CHUK: variants seen among roughly 807,000 people sequenced by gnomAD.
CHUK encodes inhibitor of nuclear factor kappa-B kinase subunit alpha.
In CHUK, 35 loss-of-function variants were observed where a neutral mutation model predicts 104.8. The ratio of observed to expected loss-of-function variants is 0.33; its 90% CI spans 0.26 to 0.44. The LOEUF (loss-of-function observed/expected upper bound fraction) is 0.44. Among genes scored for constraint, CHUK ranks in the 20% least tolerant of loss-of-function variants. The probability of loss-of-function intolerance (pLI) is 1.00; values close to 1 mark genes in which losing one functional copy is unlikely to be tolerated. For missense variants in CHUK, 663 were observed against 902.7 expected, an observed-to-expected ratio of 0.73 and a Z score of 3.40; for synonymous variants, 276 against 291.9, an observed-to-expected ratio of 0.95 and a Z score of 0.56.
intron 16 of CHUK, chr10:100,194,764 C>G (rs1449025999): frequency 2.5e-5 from 8 of 314,416 alleles, no homozygotes; most frequent in Non-Finnish European, 4.2e-5. Flanking sequence ...AGTAAGAGAC[C>G]TTAGTTGCCT....
chr10:100,190,712 A>G (rs1164875725), intron 20 of CHUK, 157 bp downstream of exon 20: 2 of 689,152 alleles, frequency 2.9e-6, no homozygotes, highest in African/African-American at 3.5e-5. Flanking sequence ...ACGGCAGATA[A>G]GGATTTAAGG....
intron 1 of CHUK, 23 bp from the exon 2 acceptor site, chr10:100,226,040 G>GAAAAAAAAAAA: frequency 7.6e-7 from 1 of 1,307,970 alleles, no homozygotes; most frequent in Non-Finnish European, 1.1e-6. Context: ...AAAATCAACA[G>GAAAAAAAAAAA]AAAAAAAAAA....
intron 1 of CHUK, among the ~76,000 whole-genome samples, chr10:100,228,987 G>GCACA (rs1471411627): frequency 1.2e-5 from 1 of 84,696 alleles, no homozygotes; most frequent in Non-Finnish European, 2.8e-5. Flanking sequence ...GCGCGCGCGC[G>GCACA]CGCGCGCACA....
At position 100,189,287 on chromosome 10, in the gene CHUK, A is replaced by C. The variant is rs1369338337; in HGVS notation, c.*311T>G. The C allele has an allele frequency of 3.1e-6, 1 of 321,996 alleles. No homozygotes were observed. The highest frequency in any genetic ancestry group is 5.8e-6 in the Non-Finnish European group (1 of 173,050). 19.9% of individuals were successfully genotyped at this position (321,996 alleles called of 1,614,324 possible). A position where few individuals can be genotyped will look rare whatever the true frequency, so the allele number is the denominator to read the frequency against. ...GAAGGTATTTTTAATCAGTTAAATA[A>C]GTAATGTTTTACCAAGACTGAAGGC... On this transcript the variant is annotated 3_prime_UTR_variant, in exon 21 of 21. Coordinates refer to ENST00000370397, the MANE Select transcript of CHUK (RefSeq NM_001278.5).
chr10:100,214,636 G>A (rs1845810813), intron 9 of CHUK, among the ~76,000 whole-genome samples: 1 of 152,136 alleles, frequency 6.6e-6, no homozygotes, highest in Admixed American at 6.5e-5. Flanking sequence ...TACCTAAAAT[G>A]ATGGCCTCTC....
At chr10:100,210,616 T>G (rs1338732944) in intron 9 of CHUK, among the ~76,000 whole-genome samples, 1 of 152,228 alleles carries the variant, frequency 6.6e-6, no homozygotes, top group Non-Finnish European at 1.5e-5. Context: ...ATCTTAACTC[T>G]TTTTGTGTCT....
At chr10:100,201,646 G>A (rs1413851579) in intron 14 of CHUK, among the ~76,000 whole-genome samples, 6 of 152,166 alleles carry the variant, frequency 3.9e-5, no homozygotes, top group Admixed American at 2.6e-4. Context: ...CTTAAGCCCA[G>A]GAGTTTGATA....
chr10:100,204,695 A>G (rs767505948), intron 12 of CHUK, 38 bp from the exon 13 acceptor site: 1 of 1,512,564 alleles, frequency 6.6e-7, no homozygotes, highest in Non-Finnish European at 9.1e-7. Flanking sequence ...AAGAAAAAAG[A>G]TATTATCAGC....
At chr10:100,212,802 C>T (rs1163117625) in intron 9 of CHUK, among the ~76,000 whole-genome samples, 1 of 151,288 alleles carries the variant, frequency 6.6e-6, no homozygotes, top group East Asian at 2.0e-4. Flanking sequence ...GTCAGGAGTT[C>T]AAGACCAGCC....
intron 10 of CHUK, 82 bp downstream of exon 10, chr10:100,209,513 T>C (rs1259388230): frequency 2.3e-6 from 2 of 852,632 alleles, no homozygotes; most frequent in Non-Finnish European, 4.0e-6. Context: ...CCCAAGGAAT[T>C]CCAAGTATGC....
intron 11 of CHUK, among the ~76,000 whole-genome samples, 161 bp downstream of exon 11, chr10:100,207,069 A>G (rs1214343103): frequency 6.6e-6 from 1 of 152,212 alleles, no homozygotes; most frequent in Non-Finnish European, 1.5e-5. Context: ...CTTCCAAACT[A>G]TATAAATCCA....
chr10:100,195,305 A>G (rs1845298909), intron 16 of CHUK: 2 of 152,246 alleles, frequency 1.3e-5, no homozygotes, highest in African/African-American at 4.8e-5. Context: ...CTCTCTGCTT[A>G]TAATTTTCCC....
intron 8 of CHUK, 137 bp downstream of exon 8, chr10:100,218,581 A>C (rs1236789280): frequency 1.4e-6 from 1 of 707,592 alleles, no homozygotes; most frequent in Non-Finnish European, 2.5e-6. Flanking sequence ...TCATGTGGCC[A>C]ACAGAAATAT....
In CHUK at chr10:100,189,504, G is replaced by T; in HGVS notation, c.*94C>A. Reference sequence around the variant, plus strand: ...TTCATAGCCATTTCTTCCATTGACTGATGTCTGAAGAATGGTTTCATGGGG... The same window carrying T: ...TTCATAGCCATTTCTTCCATTGACTTATGTCTGAAGAATGGTTTCATGGGG... On this transcript the variant is annotated 3_prime_UTR_variant, in exon 21 of 21. Transcript: ENST00000370397. 1 of 933,576 alleles carries T rather than the reference G, an allele frequency of 1.1e-6. No individual in the cohort carries two copies. The allele number at this position is 933,576 out of a possible 1,614,324, so 57.8% of individuals were successfully genotyped here.
chr10:100,194,181 A>T, intron 17 of CHUK, 50 bp from the exon 18 acceptor site: 1 of 1,600,250 alleles, frequency 6.2e-7, no homozygotes, highest in Non-Finnish European at 8.5e-7. Flanking sequence ...CCAAGACTGT[A>T]CACCATATTC....
chr10:100,188,443 A>G lies in CHUK; in HGVS notation c.*1155T>C, dbSNP rs1283281824. 3 of 152,666 alleles carry G rather than the reference A, an allele frequency of 2.0e-5. No individual in the cohort carries two copies. The highest frequency in any genetic ancestry group is 4.4e-5 in the Non-Finnish European group (3 of 68,038). 9.5% of individuals were successfully genotyped at this position (152,666 alleles called of 1,614,324 possible). A position where few individuals can be genotyped will look rare whatever the true frequency, so the allele number is the denominator to read the frequency against. ...GCATTTCACATTTTTTAAGACAAAT[A>G]ATATCTTCTAAATTACTTAGCAGAT... On this transcript the variant is annotated 3_prime_UTR_variant, in exon 21 of 21. Transcript: ENST00000370397.
rs376182746 is a variant in CHUK at position 100,221,377 on chromosome 10, G to A, written c.386-701C>T. Among the ~76,000 whole-genome samples, 951 of 152,154 alleles carry A rather than the reference G, an allele frequency of 6.3e-3. 13 individuals are homozygous for A. The highest frequency in any genetic ancestry group is 0.022 in the African/African-American group (904 of 41,508). ...TTGAACCTGGGAGGCAGAGGTTACA[G>A]TAAGCTGAGATCGCACCACTGCACT... On this transcript the variant is annotated intron_variant, in intron 4 of 20. Coordinates refer to ENST00000370397, the MANE Select transcript of CHUK (RefSeq NM_001278.5).
At chr10:100,192,507 G>T in intron 19 of CHUK, 1 of 623,052 alleles carries the variant, frequency 1.6e-6, no homozygotes, top group Non-Finnish European at 2.0e-6. Flanking sequence ...CATAAAAGTA[G>T]AGTACAGAAT....
Position 100,199,855 on chromosome 10 carries a change from A to G in CHUK, c.1729+116T>C, listed in dbSNP as rs1191865712. 3 of 796,982 alleles carry G rather than the reference A, an allele frequency of 3.8e-6. No homozygotes were observed. The East Asian group carries it at 7.3e-5, about 19-fold the overall frequency. The allele number at this position is 796,982 out of a possible 1,614,324, so 49.4% of individuals were successfully genotyped here. A position where few individuals can be genotyped will look rare whatever the true frequency, so the allele number is the denominator to read the frequency against. On this transcript the variant is annotated intron_variant, in intron 16 of 20. Transcript: ENST00000370397. ...TCTCAATGGCAATACCAAAACTGGA[A>G]TTTATTCTGCAGCTTTAAGAAAATT...
Sources: gnomAD v4.1 joint callset for allele counts (sites outside exome capture counted in the v4.1 genomes callset) on GRCh38, gnomAD v4.1.1 for gene constraint, MANE v1.5 for transcripts, NCBI Gene and HGNC (gene_info 2026-07-23, HGNC 2026-07-21) for gene names.